ADAMTS12: variants seen among roughly 807,000 people sequenced by gnomAD.
ADAMTS12 encodes ADAM metallopeptidase with thrombospondin type 1 motif 12.
A neutral mutation model predicts 167.8 loss-of-function variants in ADAMTS12; 118 were observed. The observed-to-expected ratio is 0.70, with a 90% confidence interval of 0.61 to 0.82. The LOEUF is 0.82. Ranked by LOEUF, ADAMTS12 falls within the 40% of genes least tolerant of loss-of-function variation. The pLI is 0.00. For synonymous variants in ADAMTS12, 704 were observed against 716.9 expected (o/e 0.98, Z 0.29); for missense variants, 1,916 against 1,998.8 (o/e 0.96, Z 0.79).
chr5:33,682,847 T>A (rs997464095), intron 5 of ADAMTS12, among the ~76,000 whole-genome samples, 171 bp downstream of exon 5: 2 of 152,152 alleles, frequency 1.3e-5, no homozygotes, highest in African/African-American at 4.8e-5. Flanking sequence ...CACATCCCGC[T>A]CAGTATCACT....
At chr5:33,802,248 T>TAA (rs1747040457) in intron 2 of ADAMTS12, among the ~76,000 whole-genome samples, 1 of 152,192 alleles carries the variant, frequency 6.6e-6, no homozygotes, top group South Asian at 2.1e-4. Context: ...CCAAAAAGAC[T>TAA]AAGAGAAGTT....
chr5:33,588,558 G>A (rs1373460617), intron 18 of ADAMTS12, 41 bp downstream of exon 18: 3 of 1,601,872 alleles, frequency 1.9e-6, no homozygotes, highest in Non-Finnish European at 1.7e-6. Flanking sequence ...GGCTGATGAA[G>A]CTTGAATAAT....
chr5:33,858,667 A>G (rs969069557), intron 2 of ADAMTS12, among the ~76,000 whole-genome samples: 1 of 147,448 alleles, frequency 6.8e-6, no homozygotes, highest in African/African-American at 2.6e-5. Context: ...CAAAAAAAAA[A>G]AAAGAAAAGA....
chr5:33,637,618 T>A lies in ADAMTS12; in HGVS notation c.1847A>T (p.Tyr616Phe). ...MQCSEFDTVP[Y>F]KNELYHWFPI... is the part of the protein sequence containing the mutation. Reference sequence around the variant, plus strand: ...AAACCAGTGGTAGAGTTCATTCTTGTAGGGAACAGTGTCAAATTCACTGCA... The same window carrying A: ...AAACCAGTGGTAGAGTTCATTCTTGAAGGGAACAGTGTCAAATTCACTGCA... Residue 616 changes from tyrosine to phenylalanine, a missense_variant, in exon 12 of 24, where the codon TAC becomes TTC. Coordinates refer to ENST00000504830, the MANE Select transcript of ADAMTS12 (RefSeq NM_030955.4). The A allele has an allele frequency of 6.2e-7, 1 of 1,613,670 alleles. No homozygotes were observed. Among genetic ancestry groups the A allele is most frequent in the Admixed American group, 1.7e-5 (1 of 60,012 alleles).
chr5:33,618,008 G>A (rs561870499), intron 14 of ADAMTS12, among the ~76,000 whole-genome samples: 5 of 152,116 alleles, frequency 3.3e-5, no homozygotes, highest in East Asian at 1.9e-4. Flanking sequence ...GAGCCCCTAC[G>A]CAAGTAAAAA....
At chr5:33,565,010 T>C (rs186157807) in intron 19 of ADAMTS12, among the ~76,000 whole-genome samples, 4 of 152,278 alleles carry the variant, frequency 2.6e-5, no homozygotes, top group African/African-American at 7.2e-5. Flanking sequence ...GTTGTGGTGA[T>C]TGGGAGATAA....
At chr5:33,593,978 A>T (rs998832153) in intron 17 of ADAMTS12, among the ~76,000 whole-genome samples, 2 of 152,222 alleles carry the variant, frequency 1.3e-5, no homozygotes, top group African/African-American at 4.8e-5. Context: ...CTATTTCATA[A>T]ATATTTGTAG....
intron 2 of ADAMTS12, among the ~76,000 whole-genome samples, chr5:33,876,866 G>A (rs1052228622): frequency 2.0e-5 from 3 of 152,260 alleles, no homozygotes; most frequent in African/African-American, 7.2e-5. Context: ...TGGGTAGAGG[G>A]TACATACTAA....
At chr5:33,833,279 C>G (rs1748376407) in intron 2 of ADAMTS12, among the ~76,000 whole-genome samples, 1 of 152,168 alleles carries the variant, frequency 6.6e-6, no homozygotes, top group South Asian at 2.1e-4. Flanking sequence ...ACCCATTGGC[C>G]TCATTGGACT....
At chr5:33,583,757 C>G (rs6882507) in intron 18 of ADAMTS12, among the ~76,000 whole-genome samples, 1 of 152,130 alleles carries the variant, frequency 6.6e-6, no homozygotes, top group Non-Finnish European at 1.5e-5. Context: ...TATTGAGCAC[C>G]TTTTCATATG....
At chr5:33,565,000 G>A (rs1024071675) in intron 19 of ADAMTS12, among the ~76,000 whole-genome samples, 1 of 152,172 alleles carries the variant, frequency 6.6e-6, no homozygotes, top group Non-Finnish European at 1.5e-5. Flanking sequence ...CGGGCTCTAA[G>A]TTGTGGTGAT....
chr5:33,618,616 T>C (rs77979836), intron 14 of ADAMTS12, among the ~76,000 whole-genome samples: 5,000 of 152,284 alleles, frequency 0.033, 279 homozygotes, highest in African/African-American at 0.11. Context: ...CGTCTGGTCC[T>C]GGTTCGGAAG....
chr5:33,858,435 T>C lies in ADAMTS12; in HGVS notation c.489+22684A>G, dbSNP rs190269256. On this transcript the variant is annotated intron_variant, in intron 2 of 23. Coordinates refer to ENST00000504830, the MANE Select transcript of ADAMTS12 (RefSeq NM_030955.4). ...ACTTTGAAAGGCCAAGGTGGGAGGATTGCTTGAGCCCAAGAACTCAAGACC... is the reference window on the plus strand; with the variant it reads ...ACTTTGAAAGGCCAAGGTGGGAGGACTGCTTGAGCCCAAGAACTCAAGACC... Among the ~76,000 whole-genome samples, 115 of 152,270 alleles carry C rather than the reference T, an allele frequency of 7.6e-4. No individual in the cohort carries two copies. The East Asian group carries it at 0.015, about 20-fold the overall frequency.
intron 3 of ADAMTS12, among the ~76,000 whole-genome samples, chr5:33,693,626 G>C (rs1393758931): frequency 1.3e-5 from 2 of 152,096 alleles, no homozygotes; most frequent in Admixed American, 6.6e-5. Flanking sequence ...ATCCCTCCAT[G>C]ATAAAAATCC....
Position 33,576,155 on chromosome 5 carries a change from T to C in ADAMTS12, c.3871A>G (p.Thr1291Ala). 3.1e-6 allele frequency: 5 copies of C among 1,614,198 alleles called. No individual in the cohort carries two copies. The highest frequency in any genetic ancestry group is 4.2e-6 in the Non-Finnish European group (5 of 1,180,036). The change falls in exon 19 of 24, where the codon ACA becomes GCA. Residue 1291 changes from threonine to alanine, a missense_variant. Coordinates refer to ENST00000504830, the MANE Select transcript of ADAMTS12 (RefSeq NM_030955.4). ...SEPVLTEEDA[T>A]SLITEGFLLN... ...AAAAAGCCCTCAGTAATCAGACTTG[T>C]TGCATCCTCCTCAGTCAGGACTGGT...
chr5:33,686,936 T>TAGAG (rs1554035094), intron 3 of ADAMTS12, among the ~76,000 whole-genome samples: 3,575 of 145,564 alleles, frequency 0.025, 106 homozygotes, highest in South Asian at 0.15. Flanking sequence ...TATATATATA[T>TAGAG]AGAGAGAGAG....
intron 5 of ADAMTS12, among the ~76,000 whole-genome samples, chr5:33,678,567 C>T (rs1335994147): frequency 6.6e-6 from 1 of 152,114 alleles, no homozygotes; most frequent in Non-Finnish European, 1.5e-5. Context: ...AGAGATTAGG[C>T]TGTTAACTAA....
intron 20 of ADAMTS12, among the ~76,000 whole-genome samples, chr5:33,554,942 C>A (rs1250291826): frequency 7.2e-5 from 11 of 152,050 alleles, no homozygotes; most frequent in Non-Finnish European, 1.3e-4. Flanking sequence ...GGCAACGTTG[C>A]CTATGTGGGA....
At chr5:33,547,578 G>A (rs975444404) in intron 21 of ADAMTS12, among the ~76,000 whole-genome samples, 1 of 151,990 alleles carries the variant, frequency 6.6e-6, no homozygotes, top group Non-Finnish European at 1.5e-5. Flanking sequence ...GAGCAGCTCC[G>A]GGTACTCAAC....
Sources: allele counts gnomAD v4.1 joint callset (sites outside exome capture counted in the v4.1 genomes callset), GRCh38; gene constraint gnomAD v4.1.1; transcripts MANE v1.5; gene names NCBI Gene and HGNC (gene_info 2026-07-23, HGNC 2026-07-21).